Variants in ANTXR1 observed in about 807,000 individuals in gnomAD.
ANTXR1 encodes ANTXR cell adhesion molecule 1.
Under a neutral mutation model 78.1 loss-of-function variants are expected in ANTXR1, and 19 were observed. The ratio of observed to expected loss-of-function variants is 0.24; its 90% CI spans 0.17 to 0.36. ANTXR1 has a LOEUF of 0.36. ANTXR1 is among the 10% of genes least tolerant of loss of function. The pLI is 1.00. For missense variants in ANTXR1, 518 were observed against 718.6 expected (o/e 0.72, Z 3.19); for synonymous variants, 273 against 260.5 (o/e 1.05, Z -0.46).
At chr2:69,174,846 T>C (rs1347881498) in intron 14 of ANTXR1, among the ~76,000 whole-genome samples, 2 of 152,272 alleles carry the variant, frequency 1.3e-5, no homozygotes, top group Non-Finnish European at 2.9e-5. Flanking sequence ...CATTTCATTT[T>C]ATCATTCAGC....
intron 17 of ANTXR1, among the ~76,000 whole-genome samples, chr2:69,222,672 G>A (rs2104512186): frequency 6.6e-6 from 1 of 152,324 alleles, no homozygotes; most frequent in African/African-American, 2.4e-5. Context: ...GCGAAAAGAT[G>A]CTGGAGGAGG....
At chr2:69,152,389 A>G (rs1487850545) in intron 13 of ANTXR1, 125 bp downstream of exon 13, 1 of 959,594 alleles carries the variant, frequency 1.0e-6, no homozygotes, top group Non-Finnish European at 1.6e-6. Flanking sequence ...TTTTTATACA[A>G]TTTATACAAA....
chr2:69,054,927 G>A (rs1016568547), intron 3 of ANTXR1, among the ~76,000 whole-genome samples: 3 of 152,084 alleles, frequency 2.0e-5, no homozygotes, highest in African/African-American at 7.2e-5. Context: ...TTATTCTCTT[G>A]TCCTGTTGAT....
intron 3 of ANTXR1, among the ~76,000 whole-genome samples, chr2:69,048,061 A>T (rs567645338): frequency 5.3e-5 from 8 of 152,296 alleles, no homozygotes; most frequent in African/African-American, 1.7e-4. Flanking sequence ...CAATTTAAGT[A>T]CTGTTAGAAT....
chr2:69,178,471 T>G (rs1421798023), intron 14 of ANTXR1, among the ~76,000 whole-genome samples: 1 of 152,132 alleles, frequency 6.6e-6, no homozygotes, highest in Non-Finnish European at 1.5e-5. Flanking sequence ...GGCCAGGCCC[T>G]GCCCTTGAGC....
At chr2:69,177,291 G>A (rs1362848111) in intron 14 of ANTXR1, among the ~76,000 whole-genome samples, 1 of 152,326 alleles carries the variant, frequency 6.6e-6, no homozygotes, top group Non-Finnish European at 1.5e-5. Context: ...ATGTTGAAGC[G>A]TGGAGCTGCA....
intron 13 of ANTXR1, among the ~76,000 whole-genome samples, chr2:69,169,084 A>G (rs1306542483): frequency 6.6e-6 from 1 of 152,242 alleles, no homozygotes; most frequent in Non-Finnish European, 1.5e-5. Context: ...TCATCAAACC[A>G]GAGGAGACAT....
intron 10 of ANTXR1, among the ~76,000 whole-genome samples, chr2:69,108,696 T>G (rs1671887552): frequency 6.6e-6 from 1 of 152,178 alleles, no homozygotes; most frequent in South Asian, 2.1e-4. Flanking sequence ...TAGCTCCCAC[T>G]TACAAGTGAG....
chr2:69,013,726 G>C lies in ANTXR1; in HGVS notation c.152+75G>C. 1 of 1,550,064 alleles carries C rather than the reference G, an allele frequency of 6.5e-7. No homozygotes were observed. Among genetic ancestry groups the C allele is most frequent in the Non-Finnish European group, 8.7e-7 (1 of 1,146,098 alleles). On this transcript the variant is annotated intron_variant, in intron 1 of 17. Transcript: ENST00000303714. The surrounding 1 kb of genome is among the most constrained non-coding windows in gnomAD (Gnocchi z 5.0). ...GCTTTCGCCCCGGGCCGGGCTCGTT[G>C]GCAGGGTCGCCTGGGGACAGGAGCG...
At chr2:69,209,391 AGAGGGCTC>A (rs1230841862) in intron 17 of ANTXR1, among the ~76,000 whole-genome samples, 3 of 152,252 alleles carry the variant, frequency 2.0e-5, no homozygotes, top group African/African-American at 7.2e-5. Flanking sequence ...TTATCTTTAC[AGAGGGCTC>A]GAGTGCCTGT....
At chr2:69,204,636 C>T (rs1413984380) in intron 17 of ANTXR1, among the ~76,000 whole-genome samples, 5 of 152,028 alleles carry the variant, frequency 3.3e-5, no homozygotes, top group South Asian at 2.1e-4. Flanking sequence ...CCCACCAGCT[C>T]GACACTGCCT....
At chr2:69,106,815 A>C (rs1671822268) in intron 10 of ANTXR1, among the ~76,000 whole-genome samples, 1 of 152,210 alleles carries the variant, frequency 6.6e-6, no homozygotes, top group Admixed American at 6.5e-5. Flanking sequence ...GGCTGATGGC[A>C]CAAAATGACA....
At chr2:69,021,442 C>T (rs1052208980) in intron 1 of ANTXR1, among the ~76,000 whole-genome samples, 1 of 152,214 alleles carries the variant, frequency 6.6e-6, no homozygotes, top group African/African-American at 2.4e-5. Flanking sequence ...GCATATACTA[C>T]ATGTCTGATA....
At chr2:69,056,076 T>A (rs931673619) in intron 3 of ANTXR1, among the ~76,000 whole-genome samples, 2 of 152,132 alleles carry the variant, frequency 1.3e-5, no homozygotes, top group African/African-American at 4.8e-5. Context: ...ATGTGGCAAA[T>A]ACAAATTAAG....
intron 17 of ANTXR1, among the ~76,000 whole-genome samples, chr2:69,226,447 G>A (rs1370474066): frequency 6.6e-6 from 1 of 152,154 alleles, no homozygotes; most frequent in Non-Finnish European, 1.5e-5. Flanking sequence ...CAAAGGTCAA[G>A]CTAGTTCCAA....
intron 14 of ANTXR1, among the ~76,000 whole-genome samples, chr2:69,179,123 G>A (rs1674208269): frequency 1.3e-5 from 2 of 152,088 alleles, no homozygotes; most frequent in African/African-American, 4.8e-5. Context: ...ACCACATATA[G>A]GACATATAAG....
chr2:69,184,964 C>T (rs574957028), intron 16 of ANTXR1, among the ~76,000 whole-genome samples: 2 of 152,322 alleles, frequency 1.3e-5, no homozygotes, highest in South Asian at 4.1e-4. Flanking sequence ...TCAAGTGAAA[C>T]TCCTTTTGTT....
chr2:69,144,252 C>T (rs955731266), intron 12 of ANTXR1, among the ~76,000 whole-genome samples: 1 of 152,200 alleles, frequency 6.6e-6, no homozygotes, highest in African/African-American at 2.4e-5. Flanking sequence ...TCCCTCTGCC[C>T]AGTGGCTGAT....
chr2:69,214,268 CCTT>C (rs752965339), intron 17 of ANTXR1, among the ~76,000 whole-genome samples: 1 of 152,228 alleles, frequency 6.6e-6, no homozygotes, highest in Non-Finnish European at 1.5e-5. Flanking sequence ...CTGTTTCTCT[CCTT>C]CTGAGCACTG....
Sources: gnomAD v4.1 joint callset for allele counts (sites outside exome capture counted in the v4.1 genomes callset) on GRCh38, gnomAD v4.1.1 for gene constraint, Gnocchi (gnomAD v3.1) non-coding constraint, MANE v1.5 for transcripts, NCBI Gene and HGNC (gene_info 2026-07-23, HGNC 2026-07-21) for gene names.